NKAIN2: variants seen among roughly 807,000 people sequenced by gnomAD.
The protein encoded by NKAIN2 is sodium/potassium transporting ATPase interacting 2, also known as sodium/potassium-transporting ATPase subunit beta-1-interacting protein 2.
Under a neutral mutation model 32.6 loss-of-function variants are expected in NKAIN2, and 14 were observed. That is an observed-to-expected ratio of 0.43 (90% CI 0.28 to 0.67). The LOEUF (loss-of-function observed/expected upper bound fraction) is 0.67, where lower values mean the gene tolerates loss of function less well. Among genes scored for constraint, NKAIN2 ranks in the 30% least tolerant of loss-of-function variants. The pLI, the probability that NKAIN2 is intolerant of heterozygous loss-of-function variation, is 0.17. For synonymous variants in NKAIN2, 80 were observed against 87.2 expected (o/e 0.92, Z 0.46); for missense variants, 198 against 258.3 (o/e 0.77, Z 1.60).
intron 1 of NKAIN2, among the ~76,000 whole-genome samples, chr6:124,039,510 A>G (rs184835227): frequency 5.9e-5 from 9 of 151,912 alleles, no homozygotes; most frequent in Admixed American, 5.9e-4. Flanking sequence ...ATTCTACATT[A>G]TTTTGTTTTG....
chr6:124,145,250 C>T lies in NKAIN2; in HGVS notation c.55-137755C>T, dbSNP rs181029043. Among the ~76,000 whole-genome samples the T allele has an allele frequency of 1.0e-3, 158 of 152,270 alleles. 1 individual carries two copies. The highest frequency in any genetic ancestry group is 2.0e-3 in the Admixed American group (31 of 15,298). ...TAAAACTAAACATACAACTACCACA[C>T]AACCCAACAATTATCCTCTTAGACA... On this transcript the variant is annotated intron_variant, in intron 1 of 6. Transcript: ENST00000368417.
intron 1 of NKAIN2, among the ~76,000 whole-genome samples, chr6:123,838,041 C>A (rs548359389): frequency 3.2e-4 from 49 of 151,870 alleles, no homozygotes; most frequent in Non-Finnish European, 6.5e-4. Context: ...AAGTGGTGGA[C>A]CATAATAGGA....
intron 1 of NKAIN2, among the ~76,000 whole-genome samples, chr6:124,135,765 C>G (rs1182852443): frequency 1.3e-5 from 2 of 152,054 alleles, no homozygotes; most frequent in South Asian, 4.1e-4. Flanking sequence ...ATTAAATAAA[C>G]TGCTGTTGAA....
chr6:124,718,322 T>C (rs186805221), intron 4 of NKAIN2, among the ~76,000 whole-genome samples: 1 of 152,218 alleles, frequency 6.6e-6, no homozygotes, highest in Non-Finnish European at 1.5e-5. Flanking sequence ...CTGAGTGCAA[T>C]CATACGACAT....
intron 4 of NKAIN2, among the ~76,000 whole-genome samples, chr6:124,712,122 G>C (rs1198418291): frequency 6.6e-6 from 1 of 151,686 alleles, no homozygotes; most frequent in African/African-American, 2.4e-5. Flanking sequence ...CTCCCAGTTA[G>C]GCTGCTCGGG....
intron 1 of NKAIN2, among the ~76,000 whole-genome samples, chr6:124,076,960 T>C (rs188859866): frequency 1.1e-4 from 16 of 152,294 alleles, no homozygotes; most frequent in Admixed American, 2.0e-4. Flanking sequence ...ATGAAGTAAA[T>C]TTAATGAAGT....
chr6:123,842,975 TA>T (rs1774936706), intron 1 of NKAIN2, among the ~76,000 whole-genome samples: 1 of 152,130 alleles, frequency 6.6e-6, no homozygotes, highest in African/African-American at 2.4e-5. Flanking sequence ...CATTGTGGGA[TA>T]GGGGTACACA....
At chr6:124,651,173 T>C (rs1198999696) in intron 3 of NKAIN2, among the ~76,000 whole-genome samples, 4 of 152,204 alleles carry the variant, frequency 2.6e-5, no homozygotes, top group African/African-American at 9.6e-5. Context: ...TTTAGTACAC[T>C]GAGGTAGGAG....
At chr6:124,045,272 AT>A (rs968956748) in intron 1 of NKAIN2, among the ~76,000 whole-genome samples, 1 of 151,846 alleles carries the variant, frequency 6.6e-6, no homozygotes, top group African/African-American at 2.4e-5. Flanking sequence ...ATGTTGATGC[AT>A]TTTTTTCTTC....
At chr6:123,896,234 A>G (rs1011445300) in intron 1 of NKAIN2, among the ~76,000 whole-genome samples, 1 of 152,194 alleles carries the variant, frequency 6.6e-6, no homozygotes, top group Non-Finnish European at 1.5e-5. Context: ...TGAGCTACTT[A>G]TGTTACTGCC....
chr6:123,875,994 C>T (rs990908734), intron 1 of NKAIN2, among the ~76,000 whole-genome samples: 2 of 151,982 alleles, frequency 1.3e-5, no homozygotes, highest in African/African-American at 4.8e-5. Context: ...GTCAGTCTTT[C>T]GTATGACCAC....
intron 3 of NKAIN2, among the ~76,000 whole-genome samples, chr6:124,655,040 G>A (rs1784492123): frequency 6.6e-6 from 1 of 152,034 alleles, no homozygotes; most frequent in African/African-American, 2.4e-5. Context: ...GTTAAATCCA[G>A]CATAATTCGC....
chr6:124,408,677 T>C (rs559748608), intron 3 of NKAIN2, among the ~76,000 whole-genome samples: 6,766 of 152,038 alleles, frequency 0.045, 249 homozygotes, highest in Non-Finnish European at 0.065. Context: ...CTTGGCAATG[T>C]GGGCTCTTTT....
chr6:123,979,765 A>G (rs1045913936), intron 1 of NKAIN2, among the ~76,000 whole-genome samples: 12 of 152,204 alleles, frequency 7.9e-5, no homozygotes, highest in African/African-American at 2.7e-4. Flanking sequence ...AATGAAGTTT[A>G]AGTTCTCTGT....
chr6:124,765,401 T>C (rs1459251869), intron 4 of NKAIN2, among the ~76,000 whole-genome samples: 2 of 152,212 alleles, frequency 1.3e-5, no homozygotes, highest in African/African-American at 4.8e-5. Context: ...ATGTGTGTTT[T>C]GCTCTTTCTT....
At chr6:124,244,671 C>T (rs556317061) in intron 1 of NKAIN2, among the ~76,000 whole-genome samples, 3 of 152,082 alleles carry the variant, frequency 2.0e-5, no homozygotes, top group Non-Finnish European at 2.9e-5. Context: ...AACAATTTAC[C>T]ATGTTGCCCC....
At chr6:123,921,470 G>A (rs1301011870) in intron 1 of NKAIN2, among the ~76,000 whole-genome samples, 2 of 152,084 alleles carry the variant, frequency 1.3e-5, no homozygotes, top group Non-Finnish European at 2.9e-5. Context: ...AACGTATTAG[G>A]CATTGTGCCA....
intron 1 of NKAIN2, among the ~76,000 whole-genome samples, chr6:124,132,965 T>C (rs1271874542): frequency 6.6e-6 from 1 of 152,186 alleles, no homozygotes; most frequent in African/African-American, 2.4e-5. Context: ...ACAGTGGGCC[T>C]CAAGTTCCAT....
chr6:124,668,993 A>AGTTGCT (rs996583412), intron 4 of NKAIN2, among the ~76,000 whole-genome samples: 4 of 152,118 alleles, frequency 2.6e-5, no homozygotes, highest in African/African-American at 9.7e-5. Context: ...AAAGCTTCAA[A>AGTTGCT]GTTGCTGTGA....
Sources: gnomAD v4.1 joint callset for allele counts (sites outside exome capture counted in the v4.1 genomes callset) on GRCh38, gnomAD v4.1.1 for gene constraint, MANE v1.5 for transcripts, NCBI Gene and HGNC (gene_info 2026-07-23, HGNC 2026-07-21) for gene names.